NRP1: variants seen among roughly 807,000 people sequenced by gnomAD.
NRP1 encodes neuropilin 1.
Under a neutral mutation model 106.7 loss-of-function variants are expected in NRP1, and 35 were observed. The observed-to-expected ratio is 0.33, with a 90% CI of 0.25 to 0.43. The LOEUF (loss-of-function observed/expected upper bound fraction) is 0.43. NRP1 is among the 20% of genes least tolerant of loss of function. The pLI, the probability that NRP1 is intolerant of heterozygous loss-of-function variation, is 1.00. For missense variants in NRP1, 1,024 were observed against 1,170.4 expected (o/e 0.87, Z 1.83); for synonymous variants, 437 against 417.9 (o/e 1.05, Z -0.56).
intron 15 of NRP1, among the ~76,000 whole-genome samples, chr10:33,183,075 A>C (rs1361410004): frequency 6.6e-6 from 1 of 152,142 alleles, no homozygotes; most frequent in Non-Finnish European, 1.5e-5. Flanking sequence ...TCGTGCCTAT[A>C]ATTCCAGCAC....
chr10:33,218,835 CAGAAGGCGTGCATAAA>C (rs369853916), intron 8 of NRP1, among the ~76,000 whole-genome samples: 1,998 of 152,230 alleles, frequency 0.013, 48 homozygotes, highest in African/African-American at 0.046. Flanking sequence ...GCTTGTTTCT[CAGAAGGCGTGCATAAA>C]ACTGCACTTC....
At chr10:33,331,532 C>G (rs555224647) in intron 1 of NRP1, among the ~76,000 whole-genome samples, 1 of 152,250 alleles carries the variant, frequency 6.6e-6, no homozygotes, top group East Asian at 1.9e-4. Flanking sequence ...GCTTGGAGAT[C>G]GGATCAAAGC....
chr10:33,221,376 C>T (rs1474700262), intron 8 of NRP1, among the ~76,000 whole-genome samples: 1 of 152,174 alleles, frequency 6.6e-6, no homozygotes, highest in Non-Finnish European at 1.5e-5. Context: ...TACCAGTAAA[C>T]AAGCACCTAC....
chr10:33,228,227 C>T (rs770582205), intron 6 of NRP1, among the ~76,000 whole-genome samples: 13 of 152,032 alleles, frequency 8.6e-5, no homozygotes, highest in Non-Finnish European at 1.8e-4. Flanking sequence ...CATTGACAAG[C>T]CTGGCATAGT....
In NRP1 at chr10:33,229,150, T is replaced by C. The variant is rs184177599; in HGVS notation, c.982-2861A>G. 7.9e-4 allele frequency among the ~76,000 whole-genome samples: 121 copies of C among 152,352 alleles called. 1 individual carries two copies. Among genetic ancestry groups the C allele is most frequent in the African/African-American group, 2.7e-3 (114 of 41,594 alleles). The stretch of plus-strand genomic sequence containing the variant: ...TTCCATACAACATTTGGGCTGTAGT[T>C]ACACTAACAACTGATTCATTGCTTA... On this transcript the variant is annotated intron_variant, in intron 6 of 16. Coordinates refer to ENST00000374867, the MANE Select transcript of NRP1 (RefSeq NM_003873.7).
intron 2 of NRP1, among the ~76,000 whole-genome samples, chr10:33,290,809 G>T (rs774922203): frequency 5.3e-5 from 8 of 152,160 alleles, no homozygotes; most frequent in Non-Finnish European, 1.0e-4. Flanking sequence ...TTTCAGAAAA[G>T]ATTGCAATAA....
intron 8 of NRP1, among the ~76,000 whole-genome samples, chr10:33,218,250 G>C (rs1431784664): frequency 6.6e-6 from 1 of 152,032 alleles, no homozygotes; most frequent in Non-Finnish European, 1.5e-5. Context: ...CACCTATAAA[G>C]CAGAATGGTT....
chr10:33,287,049 A>G (rs117865116), intron 2 of NRP1, among the ~76,000 whole-genome samples: 3 of 152,278 alleles, frequency 2.0e-5, no homozygotes, highest in East Asian at 3.9e-4. Context: ...GTAAATTTCA[A>G]AGTCAAATGG....
intron 1 of NRP1, among the ~76,000 whole-genome samples, chr10:33,331,897 C>T (rs768806588): frequency 3.1e-4 from 47 of 152,082 alleles, no homozygotes; most frequent in Non-Finnish European, 5.6e-4. Flanking sequence ...ATAAGAGAAA[C>T]GGTATGAAAA....
intron 2 of NRP1, among the ~76,000 whole-genome samples, chr10:33,271,483 T>C (rs114430265): frequency 0.013 from 2,009 of 152,300 alleles, 52 homozygotes; most frequent in African/African-American, 0.046. Context: ...GAGCATAATT[T>C]CTCCCAAGAA....
intron 2 of NRP1, among the ~76,000 whole-genome samples, chr10:33,313,449 G>A (rs1426924894): frequency 6.6e-6 from 1 of 152,004 alleles, no homozygotes; most frequent in African/African-American, 2.4e-5. Flanking sequence ...TTGTAGGCCT[G>A]TATCAAAATA....
At chr10:33,330,930 G>A in intron 1 of NRP1, 48 bp from the exon 2 acceptor site, 2 of 1,484,962 alleles carry the variant, frequency 1.3e-6, no homozygotes, top group Non-Finnish European at 1.8e-6. Flanking sequence ...CAACCTGTTA[G>A]GTAATCTAGC....
intron 2 of NRP1, among the ~76,000 whole-genome samples, chr10:33,281,515 C>T (rs1214255574): frequency 6.6e-6 from 1 of 152,194 alleles, no homozygotes; most frequent in Non-Finnish European, 1.5e-5. Flanking sequence ...GGATCACCAT[C>T]TTTGACACCT....
At chr10:33,248,655 C>T in intron 6 of NRP1, among the ~76,000 whole-genome samples, 1 of 152,208 alleles carries the variant, frequency 6.6e-6, no homozygotes, top group East Asian at 1.9e-4. Context: ...TCCAGTCCTT[C>T]TCTTCTGGAA....
At chr10:33,190,110 G>T (rs186904241) in intron 13 of NRP1, among the ~76,000 whole-genome samples, 8 of 152,212 alleles carry the variant, frequency 5.3e-5, no homozygotes, top group African/African-American at 1.9e-4. Flanking sequence ...AACACATAAA[G>T]CACTGATATT....
At chr10:33,288,149 G>A (rs1212188268) in intron 2 of NRP1, among the ~76,000 whole-genome samples, 2 of 152,150 alleles carry the variant, frequency 1.3e-5, no homozygotes, top group African/African-American at 4.8e-5. Flanking sequence ...TTGATTTGGA[G>A]GTCAAATGTA....
intron 6 of NRP1, among the ~76,000 whole-genome samples, chr10:33,253,299 G>A (rs1197629011): frequency 6.6e-6 from 1 of 152,100 alleles, no homozygotes; most frequent in Non-Finnish European, 1.5e-5. Context: ...TAGATTAGAC[G>A]GCTGGAAAAT....
At chr10:33,227,129 A>G (rs777165635) in intron 6 of NRP1, among the ~76,000 whole-genome samples, 7 of 152,220 alleles carry the variant, frequency 4.6e-5, no homozygotes, top group Non-Finnish European at 1.0e-4. Flanking sequence ...CACTGTTGCA[A>G]CCAGGATTGC....
chr10:33,312,834 A>C (rs1181708476), intron 2 of NRP1, among the ~76,000 whole-genome samples: 1 of 152,152 alleles, frequency 6.6e-6, no homozygotes, highest in Admixed American at 6.5e-5. Context: ...CTTCTTTACA[A>C]GCTAATGTTA....
Sources: allele counts gnomAD v4.1 joint callset (sites outside exome capture counted in the v4.1 genomes callset), GRCh38; gene constraint gnomAD v4.1.1; transcripts MANE v1.5; gene names NCBI Gene and HGNC (gene_info 2026-07-23, HGNC 2026-07-21).